The following PBX1 variants were observed in gnomAD, a reference collection of about 807,000 sequenced individuals.
PBX1 encodes the protein PBX homeobox 1.
PBX1 carries 6 observed loss-of-function variants against 53.4 expected under a neutral mutation model. The ratio of observed to expected loss-of-function variants is 0.11; its 90% CI spans 0.06 to 0.22. The LOEUF is 0.22. PBX1 is among the 10% of genes least tolerant of loss of function. PBX1 has a pLI of 1.00. For synonymous variants in PBX1, 204 were observed against 212.3 expected (o/e 0.96, Z 0.34); for missense variants, 251 against 551.4 (o/e 0.46, Z 5.46).
chr1:164,801,148 A>G (rs1207736217), intron 4 of PBX1, among the ~76,000 whole-genome samples: 4 of 152,216 alleles, frequency 2.6e-5, no homozygotes, highest in Non-Finnish European at 5.9e-5. Context: ...GTAGAATTCC[A>G]TAGAATAAGT....
At chr1:164,590,494 A>C in intron 2 of PBX1, 1 of 455,954 alleles carries the variant, frequency 2.2e-6, no homozygotes, top group Non-Finnish European at 4.4e-6. Flanking sequence ...GGAGGAAGTT[A>C]AGTTGAGAGG....
intron 2 of PBX1, among the ~76,000 whole-genome samples, chr1:164,656,430 A>T (rs1202635497): frequency 6.6e-6 from 1 of 152,190 alleles, no homozygotes. Flanking sequence ...TCTTCTTATT[A>T]ATTTAATCCA....
chr1:164,668,085 C>T (rs1660908056), intron 2 of PBX1, among the ~76,000 whole-genome samples: 2 of 152,110 alleles, frequency 1.3e-5, no homozygotes, highest in Non-Finnish European at 2.9e-5. Flanking sequence ...CATGCCTTTC[C>T]TAGGTGAATT....
chr1:164,879,207 A>ATTCAG (rs1253469271), intron 2 of PBX1, among the ~76,000 whole-genome samples: 1 of 145,448 alleles, frequency 6.9e-6, no homozygotes, highest in Non-Finnish European at 1.5e-5. Context: ...AAAAATTTTA[A>ATTCAG]TTCAGTTCAG....
intron 2 of PBX1, among the ~76,000 whole-genome samples, chr1:164,653,537 C>G (rs1156482687): frequency 6.6e-6 from 1 of 151,988 alleles, no homozygotes; most frequent in Non-Finnish European, 1.5e-5. Context: ...CTTTTGGAGG[C>G]TGGGGTGGGT....
Position 164,846,739 on chromosome 1 carries a change from G to C in PBX1, c.*63G>C. ...AGTTGGGGCAGGGGCAGGAGGGAGG[G>C]TTTCTCTCCCAACGCTGAAGCGGTC... On this transcript the variant is annotated 3_prime_UTR_variant, in exon 9 of 9. Coordinates refer to ENST00000420696, the MANE Select transcript of PBX1 (RefSeq NM_002585.4). The C allele has an allele frequency of 6.2e-7, 1 of 1,613,016 alleles. No homozygotes were observed. Among genetic ancestry groups the C allele is most frequent in the South Asian group, 1.1e-5 (1 of 91,024 alleles).
chr1:164,701,838 T>G (rs1663140341), intron 2 of PBX1, among the ~76,000 whole-genome samples: 1 of 152,194 alleles, frequency 6.6e-6, no homozygotes, highest in Admixed American at 6.5e-5. Flanking sequence ...GTTCAGAAAG[T>G]TTTTTATAAT....
chr1:164,721,829 T>C (rs1459590522), intron 2 of PBX1, among the ~76,000 whole-genome samples: 1 of 152,230 alleles, frequency 6.6e-6, no homozygotes, highest in Non-Finnish European at 1.5e-5. Flanking sequence ...CCTGTGTTCA[T>C]GTTACCTATT....
At position 164,644,528 on chromosome 1, in the gene PBX1, A is replaced by G. The variant is rs376550041; in HGVS notation, c.265+81217A>G. On this transcript the variant is annotated intron_variant, in intron 2 of 8. Transcript: ENST00000420696. ...GAGGTGGTCTTGGGCAAATCAGGCA[A>G]AACAATTCCTAAATCTAAAACGTTT... is the stretch of plus-strand genomic sequence containing the variant. Among the ~76,000 whole-genome samples, 236 of 152,202 alleles carry G rather than the reference A, an allele frequency of 1.6e-3. 1 individual carries two copies. Among genetic ancestry groups the G allele is most frequent in the Non-Finnish European group, 2.7e-3 (185 of 67,992 alleles).
At chr1:164,811,904 C>G (rs1019377655) in intron 5 of PBX1, 86 bp from the exon 6 acceptor site, 291 of 1,125,626 alleles carry the variant, frequency 2.6e-4, no homozygotes, top group Non-Finnish European at 3.4e-4. Context: ...TACCTCTTCA[C>G]CTCTCCCATA....
chr1:164,601,235 CAAAAAAAAAAAAAAA>C (rs746798555), intron 2 of PBX1, among the ~76,000 whole-genome samples: 4 of 34,016 alleles, frequency 1.2e-4, no homozygotes, highest in Middle Eastern at 0.017. Context: ...GATTCTGTCT[CAAAAAAAAAAAAAAA>C]AAAAAAAAAA....
rs562357251 is a variant in PBX1 at position 164,741,137 on chromosome 1, T to C, written c.266-51357T>C. On this transcript the variant is annotated intron_variant, in intron 2 of 8. Coordinates refer to ENST00000420696, the MANE Select transcript of PBX1 (RefSeq NM_002585.4). Reference sequence around the variant, plus strand: ...ATGGTATAGATTGTGAAGCACATTTTCTAAAACATAAGCAAAGAAGTTGCT... The same window carrying C: ...ATGGTATAGATTGTGAAGCACATTTCCTAAAACATAAGCAAAGAAGTTGCT... 2.6e-5 allele frequency among the ~76,000 whole-genome samples: 4 copies of C among 152,326 alleles called. No homozygotes were observed. In the East Asian group the frequency reaches 7.7e-4, roughly 29 times the overall value.
chr1:164,799,336 A>G (rs1668945167), intron 3 of PBX1, among the ~76,000 whole-genome samples: 1 of 151,962 alleles, frequency 6.6e-6, no homozygotes, highest in Admixed American at 6.6e-5. Flanking sequence ...TAAAATTACA[A>G]AAAAATTAGC....
At chr1:164,788,755 C>CA (rs914350473) in intron 2 of PBX1, among the ~76,000 whole-genome samples, 6 of 134,084 alleles carry the variant, frequency 4.5e-5, no homozygotes, top group Non-Finnish European at 9.5e-5. Flanking sequence ...GCCGCCCTCC[C>CA]CCCCCCGCCC....
At chr1:164,747,059 G>A (rs998486392) in intron 2 of PBX1, among the ~76,000 whole-genome samples, 5 of 152,172 alleles carry the variant, frequency 3.3e-5, no homozygotes, top group Non-Finnish European at 5.9e-5. Flanking sequence ...TTGTGCAGGT[G>A]AGGAATTGAG....
intron 2 of PBX1, among the ~76,000 whole-genome samples, chr1:164,592,493 G>A (rs1040839330): frequency 3.9e-5 from 6 of 152,202 alleles, no homozygotes; most frequent in Admixed American, 1.3e-4. Flanking sequence ...GAGAAGTTGA[G>A]GCCACAGTTG....
At chr1:164,777,355 G>A (rs1489042359) in intron 2 of PBX1, among the ~76,000 whole-genome samples, 2 of 152,102 alleles carry the variant, frequency 1.3e-5, no homozygotes, top group Admixed American at 6.5e-5. Context: ...CCCGGGAGGC[G>A]GAGGCTGCAG....
chr1:164,669,221 T>C (rs61803846), intron 2 of PBX1, among the ~76,000 whole-genome samples: 5,030 of 152,246 alleles, frequency 0.033, 117 homozygotes, highest in East Asian at 0.077. Context: ...GGGATGCTAT[T>C]AGGCTATGAT....
intron 2 of PBX1, among the ~76,000 whole-genome samples, chr1:164,658,178 AAAAG>A (rs1397139150): frequency 6.6e-6 from 1 of 151,982 alleles, no homozygotes; most frequent in African/African-American, 2.4e-5. Flanking sequence ...AAAAAAAAAA[AAAAG>A]AAAGACTGGA....
Sources: gnomAD v4.1 joint callset for allele counts (sites outside exome capture counted in the v4.1 genomes callset) on GRCh38, gnomAD v4.1.1 for gene constraint, MANE v1.5 for transcripts, NCBI Gene and HGNC (gene_info 2026-07-23, HGNC 2026-07-21) for gene names.